GUCY1A2: variants seen among roughly 807,000 people sequenced by gnomAD.
The protein encoded by GUCY1A2 is guanylate cyclase soluble subunit alpha-2.
Under a neutral mutation model 63.5 loss-of-function variants are expected in GUCY1A2, and 27 were observed. The ratio of observed to expected loss-of-function variants is 0.43; its 90% CI spans 0.31 to 0.59. The LOEUF is 0.59. GUCY1A2 is among the 20% of genes least tolerant of loss of function. The pLI is 0.11. For missense variants in GUCY1A2, 768 were observed against 913.3 expected (o/e 0.84, Z 2.05); for synonymous variants, 364 against 343.5 (o/e 1.06, Z -0.66).
chr11:106,806,275 T>G (rs1858683476), intron 5 of GUCY1A2, among the ~76,000 whole-genome samples: 1 of 152,172 alleles, frequency 6.6e-6, no homozygotes, highest in Non-Finnish European at 1.5e-5. Context: ...ACTGATGCAC[T>G]GAATATCTTT....
chr11:106,912,356 T>C (rs771260577), intron 4 of GUCY1A2, among the ~76,000 whole-genome samples: 10 of 152,102 alleles, frequency 6.6e-5, no homozygotes, highest in Non-Finnish European at 1.2e-4. Context: ...TCATGGATCT[T>C]TCCAGCATTT....
intron 7 of GUCY1A2, among the ~76,000 whole-genome samples, chr11:106,703,638 C>A (rs1862855741): frequency 6.6e-6 from 1 of 152,076 alleles, no homozygotes; most frequent in Admixed American, 6.6e-5. Flanking sequence ...CCTCATGACG[C>A]CCACGCTGAT....
chr11:106,682,089 CT>C lies in GUCY1A2; in HGVS notation c.*5459del, dbSNP rs1007979673. On this transcript the variant is annotated 3_prime_UTR_variant, in exon 8 of 8. Transcript: ENST00000526355. ...ACTGTATCTAGTATGCCTAATAGCC[CT>C]ATAGTGAGCAATATTCATCCCTCAT... The C allele has an allele frequency of 4.4e-5, 9 of 204,756 alleles. No homozygotes were observed. The highest frequency in any genetic ancestry group is 8.7e-5 in the Non-Finnish European group (9 of 103,692). 12.7% of individuals were successfully genotyped at this position (204,756 alleles called of 1,614,324 possible).
At chr11:106,907,498 G>T (rs2119849877) in intron 4 of GUCY1A2, among the ~76,000 whole-genome samples, 1 of 152,048 alleles carries the variant, frequency 6.6e-6, no homozygotes, top group Non-Finnish European at 1.5e-5. Flanking sequence ...CTGGTGTGCT[G>T]CACCCATTAA....
intron 4 of GUCY1A2, among the ~76,000 whole-genome samples, chr11:106,822,054 C>T (rs1419682854): frequency 6.6e-6 from 1 of 152,096 alleles, no homozygotes; most frequent in East Asian, 1.9e-4. Context: ...GCAAAACCCA[C>T]TGTTACATAC....
At chr11:106,750,957 G>A (rs1863872741) in intron 6 of GUCY1A2, among the ~76,000 whole-genome samples, 1 of 152,010 alleles carries the variant, frequency 6.6e-6, no homozygotes, top group Non-Finnish European at 1.5e-5. Flanking sequence ...TTTTAAGGAT[G>A]AATTTTTAGC....
At chr11:106,890,347 C>T (rs544357900) in intron 4 of GUCY1A2, among the ~76,000 whole-genome samples, 1 of 152,250 alleles carries the variant, frequency 6.6e-6, no homozygotes, top group South Asian at 2.1e-4. Context: ...AATCTCACTA[C>T]CTATAATAAT....
rs202230798 is a variant in GUCY1A2 at position 106,920,024 on chromosome 11, AATAG to A, written c.1206+19432_1206+19435del. ...AAAATTACAGGTTGACTCATTGGGC[AATAG>A]ATAAACTAGCTAATACCTAACCTCA... is the stretch of plus-strand genomic sequence containing the variant. On this transcript the variant is annotated intron_variant, in intron 4 of 7. Transcript: ENST00000526355. 5.9e-3 allele frequency among the ~76,000 whole-genome samples: 895 copies of A among 152,318 alleles called. 5 individuals are homozygous for A. Among genetic ancestry groups the A allele is most frequent in the Middle Eastern group, 0.02 (6 of 294 alleles).
At chr11:106,987,457 C>T (rs1861416413) in intron 1 of GUCY1A2, among the ~76,000 whole-genome samples, 1 of 152,160 alleles carries the variant, frequency 6.6e-6, no homozygotes, top group Non-Finnish European at 1.5e-5. Flanking sequence ...TCAAGACCAT[C>T]CTTGCCAAAT....
At chr11:106,866,105 A>G (rs959546551) in intron 4 of GUCY1A2, among the ~76,000 whole-genome samples, 1 of 151,984 alleles carries the variant, frequency 6.6e-6, no homozygotes, top group Admixed American at 6.6e-5. Context: ...GAAGCAGTGT[A>G]TGTGGTGCAA....
chr11:106,805,788 G>C (rs1476487481), intron 5 of GUCY1A2, among the ~76,000 whole-genome samples: 1 of 152,052 alleles, frequency 6.6e-6, no homozygotes, highest in Non-Finnish European at 1.5e-5. Context: ...ATCAATAACT[G>C]TAGTTATACT....
chr11:106,885,669 G>T (rs1859888796), intron 4 of GUCY1A2, among the ~76,000 whole-genome samples: 1 of 151,766 alleles, frequency 6.6e-6, no homozygotes, highest in Non-Finnish European at 1.5e-5. Flanking sequence ...TATAAAATAG[G>T]GATAGTACAC....
At chr11:106,926,606 T>C (rs1395667443) in intron 4 of GUCY1A2, among the ~76,000 whole-genome samples, 1 of 152,046 alleles carries the variant, frequency 6.6e-6, no homozygotes. Context: ...ACATAGCAGA[T>C]AGACATACAC....
chr11:106,795,960 T>A (rs1180695457), intron 5 of GUCY1A2, among the ~76,000 whole-genome samples: 1 of 152,180 alleles, frequency 6.6e-6, no homozygotes, highest in Non-Finnish European at 1.5e-5. Context: ...TTTGTAGGTC[T>A]GTAAGGACTT....
At chr11:106,882,564 A>G (rs1859839459) in intron 4 of GUCY1A2, among the ~76,000 whole-genome samples, 1 of 152,018 alleles carries the variant, frequency 6.6e-6, no homozygotes, top group South Asian at 2.1e-4. Flanking sequence ...AAGATTTAAA[A>G]TGTCTAGTGA....
intron 6 of GUCY1A2, among the ~76,000 whole-genome samples, chr11:106,766,841 C>T (rs2135395663): frequency 6.6e-6 from 1 of 152,094 alleles, no homozygotes; most frequent in African/African-American, 2.4e-5. Context: ...CATTCAAAAA[C>T]ACCTAAGAAA....
At chr11:106,964,928 C>T (rs1258155161) in intron 3 of GUCY1A2, among the ~76,000 whole-genome samples, 3 of 151,992 alleles carry the variant, frequency 2.0e-5, no homozygotes, top group South Asian at 2.1e-4. Context: ...TGCAGTGAGC[C>T]GAGATTGCAC....
intron 3 of GUCY1A2, among the ~76,000 whole-genome samples, chr11:106,963,100 G>C (rs1861080924): frequency 6.6e-6 from 1 of 152,058 alleles, no homozygotes; most frequent in African/African-American, 2.4e-5. Flanking sequence ...AGAATGTACT[G>C]CTACTAAATA....
intron 5 of GUCY1A2, among the ~76,000 whole-genome samples, chr11:106,790,628 C>T (rs1864641465): frequency 6.6e-6 from 1 of 152,048 alleles, no homozygotes; most frequent in African/African-American, 2.4e-5. Flanking sequence ...ATCTTAGAGT[C>T]TTGCTTAAGG....
Sources: gnomAD v4.1 joint callset for allele counts (sites outside exome capture counted in the v4.1 genomes callset) on GRCh38, gnomAD v4.1.1 for gene constraint, MANE v1.5 for transcripts, NCBI Gene and HGNC (gene_info 2026-07-23, HGNC 2026-07-21) for gene names.